The following GRID2 variants were observed in gnomAD, a reference collection of about 807,000 sequenced individuals.
GRID2 encodes the protein glutamate receptor ionotropic, delta-2.
GRID2 carries 33 observed loss-of-function variants against 114.8 expected under a neutral mutation model. That is an observed-to-expected ratio of 0.29 (90% confidence interval 0.22 to 0.38). The LOEUF (loss-of-function observed/expected upper bound fraction) is 0.38. Ranked by LOEUF, GRID2 falls within the 10% of genes least tolerant of loss-of-function variation. The probability of loss-of-function intolerance (pLI) is 1.00; values close to 1 mark genes in which losing one functional copy is unlikely to be tolerated. For synonymous variants in GRID2, 505 were observed against 449.9 expected (o/e 1.12, Z -1.55); for missense variants, 1,184 against 1,257.7 (o/e 0.94, Z 0.89).
At chr4:92,588,821 G>C (rs1234643093) in intron 1 of GRID2, among the ~76,000 whole-genome samples, 1 of 152,024 alleles carries the variant, frequency 6.6e-6, no homozygotes, top group Non-Finnish European at 1.5e-5. Flanking sequence ...GAGCAGTGAT[G>C]GCCAGGCACA....
chr4:93,415,674 C>T (rs1477367553), intron 9 of GRID2, among the ~76,000 whole-genome samples: 1 of 151,952 alleles, frequency 6.6e-6, no homozygotes, highest in Admixed American at 6.6e-5. Context: ...ATTGTCTTGT[C>T]CACTCTCCAC....
intron 2 of GRID2, among the ~76,000 whole-genome samples, chr4:92,694,451 A>G (rs572459634): frequency 2.0e-5 from 3 of 152,312 alleles, no homozygotes; most frequent in Admixed American, 1.3e-4. Flanking sequence ...GGGCTAAACA[A>G]TTAGCAGAAC....
intron 1 of GRID2, among the ~76,000 whole-genome samples, chr4:92,485,910 A>T (rs1722864238): frequency 6.6e-6 from 1 of 152,044 alleles, no homozygotes; most frequent in African/African-American, 2.4e-5. Context: ...TGGAAACAAG[A>T]TTTGAAATTG....
intron 2 of GRID2, among the ~76,000 whole-genome samples, chr4:93,005,130 A>T (rs1038715394): frequency 3.9e-5 from 6 of 152,158 alleles, no homozygotes; most frequent in African/African-American, 1.4e-4. Flanking sequence ...GATGTCTAAC[A>T]AGAATAGACA....
At chr4:93,786,441 G>T (rs1039965314) in intron 1 of GRID2, among the ~76,000 whole-genome samples, 1 of 152,224 alleles carries the variant, frequency 6.6e-6, no homozygotes, top group Admixed American at 6.5e-5. Context: ...AGAGGGCAAA[G>T]CTTGAGAATA....
At chr4:93,283,278 C>T in intron 8 of GRID2, among the ~76,000 whole-genome samples, 1 of 151,906 alleles carries the variant, frequency 6.6e-6, no homozygotes, top group East Asian at 1.9e-4. Context: ...ATATATGACC[C>T]AATATCCACA....
At chr4:92,442,309 A>AG (rs1203992100) in intron 1 of GRID2, among the ~76,000 whole-genome samples, 3 of 151,970 alleles carry the variant, frequency 2.0e-5, no homozygotes, top group Non-Finnish European at 4.4e-5. Context: ...AGTGGCTCCC[A>AG]GGTGAGTTGA....
chr4:93,180,385 G>C (rs957786325), intron 4 of GRID2, among the ~76,000 whole-genome samples: 1 of 152,260 alleles, frequency 6.6e-6, no homozygotes, highest in East Asian at 1.9e-4. Flanking sequence ...CCTTTAGTGA[G>C]TCAGGATCTT....
intron 2 of GRID2, among the ~76,000 whole-genome samples, chr4:92,910,995 T>C (rs1191540238): frequency 6.6e-6 from 1 of 151,936 alleles, no homozygotes; most frequent in East Asian, 1.9e-4. Flanking sequence ...CTGATACAGT[T>C]GATATAGTTT....
intron 1 of GRID2, among the ~76,000 whole-genome samples, chr4:92,369,903 A>T (rs867443407): frequency 6.6e-6 from 1 of 152,318 alleles, no homozygotes; most frequent in South Asian, 2.1e-4. Context: ...TTCTTTTTAG[A>T]TATCTAATAT....
intron 2 of GRID2, among the ~76,000 whole-genome samples, chr4:92,940,909 G>A (rs564735293): frequency 1.1e-4 from 16 of 152,256 alleles, no homozygotes; most frequent in African/African-American, 3.6e-4. Flanking sequence ...TGCATCCCAC[G>A]GATGAAGCCC....
At chr4:92,816,381 G>A (rs896455566) in intron 2 of GRID2, among the ~76,000 whole-genome samples, 2 of 147,556 alleles carry the variant, frequency 1.4e-5, no homozygotes, top group Admixed American at 6.8e-5. Flanking sequence ...CATTTATGCC[G>A]AATGTACTTT....
At chr4:93,463,937 C>G (rs1046002256) in intron 11 of GRID2, among the ~76,000 whole-genome samples, 2 of 151,804 alleles carry the variant, frequency 1.3e-5, no homozygotes, top group Admixed American at 6.6e-5. Context: ...TGCAGTGAGC[C>G]GAGATTGTGC....
chr4:92,545,652 T>C (rs1238338295), intron 1 of GRID2, among the ~76,000 whole-genome samples: 1 of 152,218 alleles, frequency 6.6e-6, no homozygotes, highest in Non-Finnish European at 1.5e-5. Context: ...GTTTTCTGTC[T>C]CTGTATGTTT....
At chr4:93,456,724 A>G (rs1020508822) in intron 11 of GRID2, among the ~76,000 whole-genome samples, 2 of 152,304 alleles carry the variant, frequency 1.3e-5, no homozygotes, top group African/African-American at 2.4e-5. Context: ...GAAGAGGAGG[A>G]TGTTTGCTAC....
intron 10 of GRID2, among the ~76,000 whole-genome samples, chr4:93,455,131 A>G (rs1723065617): frequency 6.6e-6 from 1 of 152,104 alleles, no homozygotes; most frequent in South Asian, 2.1e-4. Flanking sequence ...GGCATATGAC[A>G]CCTTAGTGCT....
At chr4:92,356,280 T>C (rs1454509811) in intron 1 of GRID2, among the ~76,000 whole-genome samples, 2 of 151,610 alleles carry the variant, frequency 1.3e-5, no homozygotes, top group Non-Finnish European at 3.0e-5. Flanking sequence ...TTTAAAATTC[T>C]GCTTTGTATA....
In GRID2 at chr4:92,704,725, C is replaced by CTCTCTCTCTCTTTCTCTCTT. The variant is rs1734865984; in HGVS notation, c.244+114450_244+114451insTTCTCTCTTTCTCTCTCTCT. 1.8e-3 allele frequency among the ~76,000 whole-genome samples: 246 copies of CTCTCTCTCTCTTTCTCTCTT among 133,220 alleles called. 1 individual carries two copies. The highest frequency in any genetic ancestry group is 7.3e-3 in the African/African-American group (241 of 32,942). 87.4% of individuals were successfully genotyped at this position (133,220 alleles called of 152,430 possible). A position where few individuals can be genotyped will look rare whatever the true frequency, so the allele number is the denominator to read the frequency against. On this transcript the variant is annotated intron_variant, in intron 2 of 15. Transcript: ENST00000282020. ...AATCTCTCTCTCTCTCTCTCTCTTT[C>CTCTCTCTCTCTTTCTCTCTT]TCTCTCTCTCTCTCTCTCTCCCTCC...
intron 1 of GRID2, among the ~76,000 whole-genome samples, chr4:93,783,846 G>C (rs560346555): frequency 8.1e-4 from 123 of 151,834 alleles, no homozygotes; most frequent in African/African-American, 2.8e-3. Context: ...GCCGAGGTGG[G>C]CGGATCACGA....
Sources: allele counts gnomAD v4.1 joint callset (sites outside exome capture counted in the v4.1 genomes callset), GRCh38; gene constraint gnomAD v4.1.1; transcripts MANE v1.5; gene names NCBI Gene and HGNC (gene_info 2026-07-23, HGNC 2026-07-21).